Variants in NAALADL2 observed in about 807,000 individuals in gnomAD.
The protein encoded by NAALADL2 is inactive N-acetylated-alpha-linked acidic dipeptidase-like protein 2.
Under a neutral mutation model 87.2 loss-of-function variants are expected in NAALADL2, and 76 were observed. That is an observed-to-expected ratio of 0.87 (90% CI 0.72 to 1.05). The LOEUF (loss-of-function observed/expected upper bound fraction) is 1.05, where lower values mean the gene tolerates loss of function less well. Among genes scored for constraint, NAALADL2 ranks in the 50% least tolerant of loss-of-function variants. The pLI, the probability that NAALADL2 is intolerant of heterozygous loss-of-function variation, is 0.00. For synonymous variants in NAALADL2, 354 were observed against 331.0 expected (o/e 1.07, Z -0.75); for missense variants, 1,089 against 945.8 (o/e 1.15, Z -1.99).
chr3:175,737,714 G>GTTTTTTTTTT lies in NAALADL2; in HGVS notation c.1990+336_1990+345dup, dbSNP rs71164650. On this transcript the variant is annotated intron_variant, in intron 12 of 13. Coordinates refer to ENST00000454872, the MANE Select transcript of NAALADL2 (RefSeq NM_207015.3). ...TAGAATAATACAGTTCAATGATCCA[G>GTTTTTTTTTT]TTTTTTTTTTTTTTTTTTTTTTTTT... Among the ~76,000 whole-genome samples, 103 of 54,760 alleles carry GTTTTTTTTTT rather than the reference G, an allele frequency of 1.9e-3. 18 individuals are homozygous for GTTTTTTTTTT. The highest frequency in any genetic ancestry group is 5.8e-3 in the African/African-American group (70 of 12,160). 35.9% of individuals were successfully genotyped at this position (54,760 alleles called of 152,430 possible). A position where few individuals can be genotyped will look rare whatever the true frequency, so the allele number is the denominator to read the frequency against.
chr3:174,853,376 C>CAAAAAAAA (rs55826352), intron 3 of NAALADL2, among the ~76,000 whole-genome samples: 1 of 82,548 alleles, frequency 1.2e-5, no homozygotes, highest in Non-Finnish European at 2.3e-5. Flanking sequence ...GACTCAATCT[C>CAAAAAAAA]AAAAAAAAAA....
At chr3:174,664,261 A>C (rs1935715519) in intron 2 of NAALADL2, among the ~76,000 whole-genome samples, 1 of 152,248 alleles carries the variant, frequency 6.6e-6, no homozygotes, top group Admixed American at 6.5e-5. Context: ...TTGCTTCTTC[A>C]TAATTCTAAA....
chr3:174,451,685 G>C (rs536190217), intron 1 of NAALADL2, among the ~76,000 whole-genome samples: 1 of 151,818 alleles, frequency 6.6e-6, no homozygotes, highest in South Asian at 2.1e-4. Context: ...CCTTCTTTTC[G>C]GTTTACATAT....
chr3:175,477,637 G>A (rs1725885192), intron 9 of NAALADL2, among the ~76,000 whole-genome samples: 1 of 152,006 alleles, frequency 6.6e-6, no homozygotes, highest in African/African-American at 2.4e-5. Context: ...TTTAACCAAA[G>A]ACTTCTATCT....
rs533080764 is a variant in NAALADL2 at position 175,469,050 on chromosome 3, A to G, written c.1533+1866A>G. Among the ~76,000 whole-genome samples the G allele has an allele frequency of 3.3e-5, 5 of 152,152 alleles. No individual in the cohort carries two copies. The East Asian group carries it at 9.6e-4, about 29-fold the overall frequency. On this transcript the variant is annotated intron_variant, in intron 8 of 13. Coordinates refer to ENST00000454872, the MANE Select transcript of NAALADL2 (RefSeq NM_207015.3). ...TCCTATTCAAAACAATTAAGTACCA[A>G]TGTCTCTGAATGTTTATATATGTAT... is the stretch of plus-strand genomic sequence containing the variant.
chr3:174,665,259 A>C (rs1229928376), intron 2 of NAALADL2, among the ~76,000 whole-genome samples: 1 of 152,178 alleles, frequency 6.6e-6, no homozygotes, highest in Non-Finnish European at 1.5e-5. Flanking sequence ...AAAATAGGAA[A>C]TAAATTAGAG....
chr3:174,962,429 A>AGTTAC (rs1560417382), intron 1 of NAALADL2, among the ~76,000 whole-genome samples: 1 of 121,020 alleles, frequency 8.3e-6, no homozygotes, highest in African/African-American at 5.1e-5. Context: ...ATATATATAT[A>AGTTAC]TATGTATATT....
intron 1 of NAALADL2, among the ~76,000 whole-genome samples, chr3:174,488,315 G>C (rs566300863): frequency 1.5e-4 from 23 of 152,018 alleles, no homozygotes; most frequent in African/African-American, 4.8e-4. Context: ...GCTTGGATAA[G>C]ATATTTAACT....
intron 1 of NAALADL2, among the ~76,000 whole-genome samples, chr3:174,906,362 G>T (rs184873373): frequency 3.2e-4 from 49 of 152,154 alleles, no homozygotes; most frequent in African/African-American, 1.1e-3. Context: ...GTATCAGTTG[G>T]ATTACTACTT....
rs1560020933 is a variant in NAALADL2, at chr3:174,508,113, G to GTTTTTTTTTTTTTTT, written c.-183-42456_-183-42455insTTTTTTTTTTTTTTT. 7.6e-4 allele frequency among the ~76,000 whole-genome samples: 71 copies of GTTTTTTTTTTTTTTT among 92,932 alleles called. 5 individuals carry two copies. Among genetic ancestry groups the GTTTTTTTTTTTTTTT allele is most frequent in the African/African-American group, 2.4e-3 (60 of 25,468 alleles). 61.0% of individuals were successfully genotyped at this position (92,932 alleles called of 152,430 possible). A position where few individuals can be genotyped will look rare whatever the true frequency, so the allele number is the denominator to read the frequency against. ...AAATTTTAGCTATTGGATATCTAGT[G>GTTTTTTTTTTTTTTT]GTTTTTTTTTTTTTTTTTGAGACGA... On this transcript the variant is annotated intron_variant, in intron 1 of 3. Transcript: ENST00000434257.
chr3:175,047,319 CA>C (rs1754805256), intron 1 of NAALADL2, among the ~76,000 whole-genome samples: 1 of 152,002 alleles, frequency 6.6e-6, no homozygotes, highest in Admixed American at 6.6e-5. Context: ...GCGAAAATGA[CA>C]AAAAACATGT....
intron 5 of NAALADL2, among the ~76,000 whole-genome samples, chr3:175,422,537 A>G (rs1258407098): frequency 6.6e-6 from 1 of 152,094 alleles, no homozygotes; most frequent in Non-Finnish European, 1.5e-5. Flanking sequence ...ATTAAAAACA[A>G]AATCCTCCGC....
intron 2 of NAALADL2, among the ~76,000 whole-genome samples, chr3:174,602,234 T>G (rs921840527): frequency 2.6e-5 from 4 of 152,182 alleles, no homozygotes; most frequent in African/African-American, 9.6e-5. Context: ...TTTAACAATA[T>G]TGATTCTTCC....
intron 2 of NAALADL2, among the ~76,000 whole-genome samples, chr3:175,208,369 TAA>T (rs1741269337): frequency 6.6e-6 from 1 of 152,164 alleles, no homozygotes; most frequent in African/African-American, 2.4e-5. Flanking sequence ...CCAGAAATCT[TAA>T]AGTTTATAGT....
intron 3 of NAALADL2, among the ~76,000 whole-genome samples, chr3:174,819,615 A>T (rs1370451698): frequency 2.6e-5 from 4 of 152,102 alleles, no homozygotes; most frequent in African/African-American, 7.2e-5. Context: ...TAGCTTTTTG[A>T]TGCAGCCCAT....
At chr3:175,468,751 C>G (rs1181725524) in intron 8 of NAALADL2, among the ~76,000 whole-genome samples, 1 of 151,984 alleles carries the variant, frequency 6.6e-6, no homozygotes, top group Non-Finnish European at 1.5e-5. Flanking sequence ...GTAAACATCT[C>G]AAACCCCAAT....
chr3:174,593,339 G>A (rs551362631), intron 2 of NAALADL2, among the ~76,000 whole-genome samples: 6 of 152,226 alleles, frequency 3.9e-5, no homozygotes, highest in Middle Eastern at 3.4e-3. Context: ...GTCAGACACC[G>A]TTGCAAGTGT....
intron 2 of NAALADL2, among the ~76,000 whole-genome samples, chr3:174,717,330 T>C (rs902263087): frequency 6.6e-6 from 1 of 152,158 alleles, no homozygotes; most frequent in Non-Finnish European, 1.5e-5. Flanking sequence ...GATATTGGTT[T>C]TGATGCACCA....
chr3:175,467,129 T>C lies in NAALADL2; in HGVS notation c.1478T>C (p.Phe493Ser). The C allele has an allele frequency of 1.9e-6, 3 of 1,613,948 alleles. No individual in the cohort carries two copies. The highest frequency in any genetic ancestry group is 2.5e-6 in the Non-Finnish European group (3 of 1,179,836). ...TGGAGACCAGACCGAACTATTGTTT[T>C]CTGTTCTTGGGGAGGAACAGCTTTT... is the stretch of plus-strand genomic sequence containing the variant. ...RGWRPDRTIV[F>S]CSWGGTAFGN... The change falls in exon 8 of 14, where the codon TTC becomes TCC. Residue 493 changes from phenylalanine (F) to serine (S), a missense_variant. Transcript: ENST00000454872.
Sources: allele counts gnomAD v4.1 joint callset (sites outside exome capture counted in the v4.1 genomes callset), GRCh38; gene constraint gnomAD v4.1.1; transcripts MANE v1.5; gene names NCBI Gene and HGNC (gene_info 2026-07-23, HGNC 2026-07-21).